The following CYP2U1 variants were observed in gnomAD, a reference collection of about 807,000 sequenced individuals.
CYP2U1 encodes the protein cytochrome P450 2U1.
A neutral mutation model predicts 42.8 loss-of-function variants in CYP2U1; 28 were observed. The ratio of observed to expected loss-of-function variants is 0.65; its 90% confidence interval spans 0.48 to 0.90. The LOEUF is 0.90. Ranked by LOEUF, CYP2U1 falls within the 40% of genes least tolerant of loss-of-function variation. The probability of loss-of-function intolerance (pLI) is 0.00; values close to 1 mark genes in which losing one functional copy is unlikely to be tolerated. For synonymous variants in CYP2U1, 296 were observed against 278.9 expected, an observed-to-expected ratio of 1.06 and a Z score of -0.61; for missense variants, 642 against 693.8, an observed-to-expected ratio of 0.93 and a Z score of 0.84.
chr4:107,933,183 C>A (rs1284645518), intron 1 of CYP2U1, among the ~76,000 whole-genome samples: 1 of 152,138 alleles, frequency 6.6e-6, no homozygotes, highest in Non-Finnish European at 1.5e-5. Flanking sequence ...GAGGTGCCTC[C>A]TAGCGTAGTG....
intron 2 of CYP2U1, 99 bp from the exon 3 acceptor site, chr4:107,947,277 A>G (rs980746084): frequency 3.9e-6 from 4 of 1,038,080 alleles, no homozygotes; most frequent in Non-Finnish European, 5.8e-6. Flanking sequence ...CTGCCAACTG[A>G]CCAGTTATGC....
chr4:107,937,253 A>G (rs1363671607), intron 1 of CYP2U1: 1 of 152,244 alleles, frequency 6.6e-6, no homozygotes, highest in Non-Finnish European at 1.5e-5. Flanking sequence ...ATGAAAGTTC[A>G]TCTGGGGAAT....
At chr4:107,940,478 T>G (rs1487038322) in intron 1 of CYP2U1, 6 of 152,224 alleles carry the variant, frequency 3.9e-5, no homozygotes, top group Non-Finnish European at 8.8e-5. Context: ...AGTTAAACTT[T>G]ATTTATAGAT....
chr4:107,943,430 C>G (rs1578725515), intron 1 of CYP2U1, among the ~76,000 whole-genome samples: 1 of 152,168 alleles, frequency 6.6e-6, no homozygotes. Flanking sequence ...CCCATGCGTC[C>G]TTTCTCAGAA....
chr4:107,947,352 GT>G (rs1370213526), intron 2 of CYP2U1, 23 bp from the exon 3 acceptor site: 9 of 1,612,450 alleles, frequency 5.6e-6, no homozygotes, highest in Non-Finnish European at 7.6e-6. Context: ...TTATCTTCTG[GT>G]TTATTTTTCC....
chr4:107,950,302 T>C lies in CYP2U1; in HGVS notation c.1514T>C (p.Val505Ala). The C allele has an allele frequency of 6.2e-7, 1 of 1,614,026 alleles. No individual in the cohort carries two copies. The highest frequency in any genetic ancestry group is 1.1e-5 in the South Asian group (1 of 91,042). The change falls in exon 5 of 5, where the codon GTG (valine) becomes GCG (alanine). Residue 505 changes from valine (V) to alanine (A), a missense_variant. By Grantham distance (64) the Val-to-Ala change is moderately conservative. Transcript: ENST00000332884. ...AAGATGGAATTATTCCTAATGTTTG[T>C]GAGCCTAATGCAGAGTTTCGCATTT... ...LAKMELFLMF[V>A]SLMQSFAFAL...
At chr4:107,940,418 G>C (rs1473233747) in intron 1 of CYP2U1, 3 of 152,018 alleles carry the variant, frequency 2.0e-5, no homozygotes, top group Non-Finnish European at 4.4e-5. Context: ...AACAGCCATA[G>C]AACGTATGTA....
Position 107,931,591 on chromosome 4 carries a change from T to C in CYP2U1, c.-53T>C. 1.6e-6 allele frequency: 2 copies of C among 1,232,262 alleles called. No individual in the cohort carries two copies. The highest frequency in any genetic ancestry group is 2.0e-6 in the Non-Finnish European group (2 of 988,672). 76.3% of individuals were successfully genotyped at this position (1,232,262 alleles called of 1,614,324 possible). A position where few individuals can be genotyped will look rare whatever the true frequency, so the allele number is the denominator to read the frequency against. ...TGGCGCCGCGGGTCAGGCAGCTGCG[T>C]GCGCGTCTCCTCCAGGCAGCAAGGG... On this transcript the variant is annotated 5_prime_UTR_variant, in exon 1 of 5. Coordinates refer to ENST00000332884, the MANE Select transcript of CYP2U1 (RefSeq NM_183075.3).
At position 107,932,137 on chromosome 4, in the gene CYP2U1, A is replaced by AGCGGGAGGTCGTGGGCTGTGGGTAC; in HGVS notation, c.490+9_490+33dup. On this transcript the variant is annotated splice_donor_region_variant and intron_variant, in intron 1 of 4. Transcript: ENST00000332884. The stretch of plus-strand genomic sequence containing the variant: ...TCCATCGTGACCAAGGAGAAGGGTG[A>AGCGGGAGGTCGTGGGCTGTGGGTAC]GCGGGAGGTCGTGGGCTGTGGGTAC... The AGCGGGAGGTCGTGGGCTGTGGGTAC allele has an allele frequency of 1.0e-5, 16 of 1,601,756 alleles. No individual in the cohort carries two copies. Among genetic ancestry groups the AGCGGGAGGTCGTGGGCTGTGGGTAC allele is most frequent in the Non-Finnish European group, 1.2e-5 (14 of 1,175,144 alleles).
chr4:107,943,823 A>G (rs1473207974), intron 1 of CYP2U1, among the ~76,000 whole-genome samples: 2 of 152,144 alleles, frequency 1.3e-5, no homozygotes, highest in Non-Finnish European at 2.9e-5. Context: ...GAAGGAAGGA[A>G]GCTAGCCAAA....
chr4:107,941,991 G>T (rs910603920), intron 1 of CYP2U1, among the ~76,000 whole-genome samples: 1 of 152,104 alleles, frequency 6.6e-6, no homozygotes, highest in African/African-American at 2.4e-5. Flanking sequence ...ATTTTTTAAA[G>T]AAATTTAAAA....
At chr4:107,946,916 C>T (rs1733716876) in intron 2 of CYP2U1, among the ~76,000 whole-genome samples, 2 of 152,120 alleles carry the variant, frequency 1.3e-5, no homozygotes, top group African/African-American at 4.8e-5. Context: ...ACTCTGATCT[C>T]AGAAGTGACA....
chr4:107,945,510 A>G lies in CYP2U1; in HGVS notation c.1031A>G (p.Tyr344Cys), dbSNP rs1733668793. Residue 344 changes from tyrosine (Y) to cysteine (C), a missense_variant, in exon 2 of 5, where the codon TAT becomes TGT. Transcript: ENST00000332884. ...NSSFDEEYLF[Y>C]IIGDLFIAGT... The stretch of plus-strand genomic sequence containing the variant: ...AGTTTTGATGAAGAGTACTTATTTT[A>G]TATCATTGGGGATCTCTTTATTGCT... 6.2e-7 allele frequency: 1 copy of G among 1,614,066 alleles called. No individual in the cohort carries two copies. The highest frequency in any genetic ancestry group is 8.5e-7 in the Non-Finnish European group (1 of 1,180,006).
rs181838786 is a variant in CYP2U1, at chr4:107,948,159, T to G, written c.1288+622T>G. 5.2e-3 allele frequency among the ~76,000 whole-genome samples: 782 copies of G among 149,942 alleles called. 11 individuals carry two copies. The highest frequency in any genetic ancestry group is 0.019 in the African/African-American group (755 of 40,560). On this transcript the variant is annotated intron_variant, in intron 3 of 4. Transcript: ENST00000332884. The stretch of plus-strand genomic sequence containing the variant: ...GGTGCACAACTGTAGTCCCAGCTAC[T>G]CAGGAGGCTGAGGCAGGAGAATCGC...
intron 1 of CYP2U1, chr4:107,941,212 TATATATC>T (rs1275699530): frequency 2.0e-5 from 3 of 150,856 alleles, no homozygotes; most frequent in African/African-American, 7.3e-5. Context: ...TGTCATCTAA[TATATATC>T]TGTATTTAAC....
At chr4:107,947,272 A>G in intron 2 of CYP2U1, 104 bp from the exon 3 acceptor site, 2 of 999,304 alleles carry the variant, frequency 2.0e-6, no homozygotes, top group Non-Finnish European at 1.5e-6. Flanking sequence ...CTGAACTGCC[A>G]ACTGACCAGT....
At chr4:107,943,849 A>C (rs1019272801) in intron 1 of CYP2U1, among the ~76,000 whole-genome samples, 1 of 152,246 alleles carries the variant, frequency 6.6e-6, no homozygotes, top group African/African-American at 2.4e-5. Context: ...AGAGTACACC[A>C]TGGAAAATAG....
chr4:107,946,852 C>T (rs996531984), intron 2 of CYP2U1, among the ~76,000 whole-genome samples: 1 of 150,826 alleles, frequency 6.6e-6, no homozygotes, highest in Admixed American at 6.6e-5. Context: ...TGGTGGCTTC[C>T]TTCCCCAAAA....
At chr4:107,933,091 G>C (rs766392596) in intron 1 of CYP2U1, among the ~76,000 whole-genome samples, 4 of 152,134 alleles carry the variant, frequency 2.6e-5, no homozygotes, top group Non-Finnish European at 4.4e-5. Context: ...GAAAGATCTA[G>C]GCTTTTCAGA....
Sources: allele counts gnomAD v4.1 joint callset (sites outside exome capture counted in the v4.1 genomes callset), GRCh38; gene constraint gnomAD v4.1.1; transcripts MANE v1.5; gene names NCBI Gene and HGNC (gene_info 2026-07-23, HGNC 2026-07-21).